HMGCLL1: variants seen among roughly 807,000 people sequenced by gnomAD.
The protein encoded by HMGCLL1 is 3-hydroxy-3-methylglutaryl-CoA lyase like 1, also known as 3-hydroxymethyl-3-methylglutaryl-CoA lyase, cytoplasmic.
Under a neutral mutation model 39.1 loss-of-function variants are expected in HMGCLL1, and 36 were observed. That is an observed-to-expected ratio of 0.92 (90% CI 0.71 to 1.22). HMGCLL1 has a LOEUF of 1.22. Ranked by LOEUF, HMGCLL1 falls within the 50% of genes most tolerant of loss-of-function variation. HMGCLL1 has a pLI of 0.00. For missense variants in HMGCLL1, 451 were observed against 416.5 expected (o/e 1.08, Z -0.72); for synonymous variants, 149 against 144.0 (o/e 1.03, Z -0.25).
At chr6:55,560,114 AC>A (rs1349952068) in intron 1 of HMGCLL1, among the ~76,000 whole-genome samples, 4 of 152,152 alleles carry the variant, frequency 2.6e-5, no homozygotes, top group Non-Finnish European at 5.9e-5. Context: ...GAAGAGTAAA[AC>A]AAAATTTTTG....
At chr6:55,607,562 C>A in the HMGCLL1 span, among the ~76,000 whole-genome samples, 22,869 of 152,056 alleles carry the variant, frequency 0.15, 2,038 homozygotes, top group Non-Finnish European at 0.2. Context: ...CGGCCGCCCA[C>A]ACAGAAAGAC....
At chr6:55,489,105 A>G (rs1235676927) in intron 7 of HMGCLL1, among the ~76,000 whole-genome samples, 2 of 152,082 alleles carry the variant, frequency 1.3e-5, no homozygotes, top group Non-Finnish European at 2.9e-5. Flanking sequence ...GTGTTACATT[A>G]TATTCAGGGG....
chr6:55,567,885 GTT>G (rs894480463), intron 1 of HMGCLL1, among the ~76,000 whole-genome samples: 2 of 152,082 alleles, frequency 1.3e-5, no homozygotes, highest in African/African-American at 4.8e-5. Context: ...TTAAAAATGT[GTT>G]TGGAACTCAC....
At chr6:55,475,801 T>A (rs1262203588) in intron 7 of HMGCLL1, among the ~76,000 whole-genome samples, 2 of 151,662 alleles carry the variant, frequency 1.3e-5, no homozygotes, top group Non-Finnish European at 3.0e-5. Context: ...AGATTTTTTT[T>A]TCTGTATGAA....
intron 3 of HMGCLL1, among the ~76,000 whole-genome samples, chr6:55,517,475 T>C (rs1027861023): frequency 2.6e-5 from 4 of 151,944 alleles, no homozygotes; most frequent in African/African-American, 7.2e-5. Context: ...AAAATGAACA[T>C]GCAAAAAGCT....
At chr6:55,554,411 A>T (rs900417125) in intron 1 of HMGCLL1, among the ~76,000 whole-genome samples, 3 of 152,064 alleles carry the variant, frequency 2.0e-5, no homozygotes, top group Non-Finnish European at 4.4e-5. Flanking sequence ...ATAGTTAGAC[A>T]TTCACATCAC....
At chr6:55,577,798 T>C (rs1446489384) in intron 1 of HMGCLL1, among the ~76,000 whole-genome samples, 1 of 152,006 alleles carries the variant, frequency 6.6e-6, no homozygotes, top group Non-Finnish European at 1.5e-5. Flanking sequence ...AAATAGAAGG[T>C]AGGAAAATTA....
the HMGCLL1 span, among the ~76,000 whole-genome samples, chr6:55,593,323 A>G: frequency 6.6e-6 from 1 of 152,194 alleles, no homozygotes; most frequent in Non-Finnish European, 1.5e-5. Context: ...AGTTGAGAAG[A>G]AAACAATTAA....
intron 1 of HMGCLL1, among the ~76,000 whole-genome samples, chr6:55,565,215 T>C (rs948590971): frequency 6.6e-6 from 1 of 152,026 alleles, no homozygotes; most frequent in Non-Finnish European, 1.5e-5. Context: ...ACCAGGTGAG[T>C]GGCCTAGAGT....
the HMGCLL1 span, among the ~76,000 whole-genome samples, chr6:55,602,368 A>C: frequency 4.6e-4 from 70 of 152,118 alleles, 1 homozygote; most frequent in African/African-American, 1.7e-3. Context: ...TACAATCTAA[A>C]ATTACATTTT....
At chr6:55,630,604 G>A in the HMGCLL1 span, among the ~76,000 whole-genome samples, 2 of 152,174 alleles carry the variant, frequency 1.3e-5, no homozygotes, top group South Asian at 4.2e-4. Flanking sequence ...CCACTCAAAT[G>A]TGGGGACATG....
the HMGCLL1 span, among the ~76,000 whole-genome samples, chr6:55,592,030 T>C: frequency 6.6e-6 from 1 of 151,948 alleles, no homozygotes; most frequent in South Asian, 2.1e-4. Flanking sequence ...AACTTTCAAA[T>C]TACATTTGGA....
intron 3 of HMGCLL1, among the ~76,000 whole-genome samples, chr6:55,526,190 C>G (rs1768311055): frequency 6.6e-6 from 1 of 151,888 alleles, no homozygotes; most frequent in South Asian, 2.1e-4. Context: ...TGAAGTGCTC[C>G]CAGCTTGCCT....
chr6:55,505,196 T>A, intron 5 of HMGCLL1, among the ~76,000 whole-genome samples: 1 of 151,614 alleles, frequency 6.6e-6, no homozygotes, highest in East Asian at 1.9e-4. Context: ...AGTTAGGCCT[T>A]ATCCCAGCCT....
At chr6:55,669,893 G>A in the HMGCLL1 span, among the ~76,000 whole-genome samples, 47,272 of 151,604 alleles carry the variant, frequency 0.31, 7,529 homozygotes, top group East Asian at 0.41. Context: ...TGATGTTGTT[G>A]AAGTCCCGGG....
intron 7 of HMGCLL1, among the ~76,000 whole-genome samples, chr6:55,458,087 A>G (rs1561892255): frequency 6.6e-6 from 1 of 152,182 alleles, no homozygotes; most frequent in Admixed American, 6.5e-5. Flanking sequence ...ACTATTCAAT[A>G]TATTCCATTG....
At chr6:55,502,844 C>T (rs1334049321) in intron 5 of HMGCLL1, among the ~76,000 whole-genome samples, 1 of 151,488 alleles carries the variant, frequency 6.6e-6, no homozygotes, top group Non-Finnish European at 1.5e-5. Flanking sequence ...TTATTTTTCT[C>T]ATCCACAAAG....
the HMGCLL1 span, among the ~76,000 whole-genome samples, chr6:55,623,858 G>A: frequency 6.6e-6 from 1 of 151,974 alleles, no homozygotes; most frequent in African/African-American, 2.4e-5. Context: ...TGCTAAGTAT[G>A]TCTATGCCTA....
upstream of HMGCLL1, among the ~76,000 whole-genome samples, chr6:55,582,706 A>G (rs986148521): frequency 6.6e-6 from 1 of 152,174 alleles, no homozygotes; most frequent in Non-Finnish European, 1.5e-5. Flanking sequence ...AAAGATATCA[A>G]TGAAGACACC....
Sources: gnomAD v4.1 joint callset for allele counts (sites outside exome capture counted in the v4.1 genomes callset) on GRCh38, gnomAD v4.1.1 for gene constraint, MANE v1.5 for transcripts, NCBI Gene and HGNC (gene_info 2026-07-23, HGNC 2026-07-21) for gene names.